The following RREB1 variants were observed in gnomAD, a reference collection of about 807,000 sequenced individuals.
RREB1 encodes the protein ras responsive element binding protein 1.
RREB1 carries 27 observed loss-of-function variants against 117.8 expected under a neutral mutation model. The observed-to-expected ratio is 0.23, with a 90% CI of 0.17 to 0.32. The LOEUF (loss-of-function observed/expected upper bound fraction) is 0.32. RREB1 is among the 10% of genes least tolerant of loss of function. The pLI, the probability that RREB1 is intolerant of heterozygous loss-of-function variation, is 1.00. For missense variants in RREB1, 2,577 were observed against 2,378.2 expected, an observed-to-expected ratio of 1.08 and a Z score of -1.74; for synonymous variants, 1,298 against 1,026.7, an observed-to-expected ratio of 1.26 and a Z score of -5.05.
chr6:7,247,213 C>G lies in RREB1; in HGVS notation c.4763C>G (p.Ser1588Cys). ...CAGGACCTGACCCGGCACATGCGCT[C>G]CCACACAGGTAACCAGGGCAGGCCA... ...SLQDLTRHMR[S>C]HTGERPYKCQ... The change falls in exon 12 of 13, where the codon TCC (serine) becomes TGC (cysteine). Residue 1588 changes from serine to cysteine, a missense_variant. Ser to Cys is a moderately radical substitution (Grantham distance 112, BLOSUM62 -1). Transcript: ENST00000379938. 1.9e-6 allele frequency: 3 copies of G among 1,612,556 alleles called. No individual in the cohort carries two copies. Among genetic ancestry groups the G allele is most frequent in the Non-Finnish European group, 1.7e-6 (2 of 1,179,376 alleles).
intron 1 of RREB1, among the ~76,000 whole-genome samples, chr6:7,130,929 CTTTTTT>C (rs61305060): frequency 2.2e-5 from 1 of 45,718 alleles, no homozygotes; most frequent in African/African-American, 1.1e-4. Context: ...ATAGTCATGT[CTTTTTT>C]TTTTTTTTTT....
chr6:7,185,445 C>T (rs776004308), intron 4 of RREB1, among the ~76,000 whole-genome samples: 5 of 152,240 alleles, frequency 3.3e-5, no homozygotes, highest in Non-Finnish European at 5.9e-5. Flanking sequence ...TGGCGCACAC[C>T]TGTAGTCCCA....
Position 7,247,125 on chromosome 6 carries a change from G to A in RREB1, c.4675G>A (p.Ala1559Thr). The A allele has an allele frequency of 6.2e-7, 1 of 1,613,934 alleles. No homozygotes were observed. Among genetic ancestry groups the A allele is most frequent in the Middle Eastern group, 1.6e-4 (1 of 6,062 alleles). ...KPKTDSPKSV[A>T]SKADKRKKVC... ...AAAGACAGACTCCCCCAAAAGCGTG[G>A]CCAGCAAGGCAGACAAGAGGAAGAA... Residue 1559 changes from alanine to threonine, a missense_variant, in exon 12 of 13, where the codon GCC (alanine) becomes ACC (threonine). Ala to Thr is a moderately conservative substitution (Grantham distance 58). Transcript: ENST00000379938.
chr6:7,216,245 C>G (rs952160073), intron 8 of RREB1: 1 of 152,156 alleles, frequency 6.6e-6, no homozygotes, highest in African/African-American at 2.4e-5. Context: ...AGTTCAGGGC[C>G]CAGGAGGGCA....
intron 4 of RREB1, among the ~76,000 whole-genome samples, chr6:7,186,926 C>A (rs541612548): frequency 3.3e-5 from 5 of 152,286 alleles, no homozygotes; most frequent in African/African-American, 1.2e-4. Flanking sequence ...CCACTGGGTG[C>A]ACAGCTAGGC....
At position 7,231,558 on chromosome 6, in the gene RREB1, G is replaced by T. The variant is rs778252753; in HGVS notation, c.3459G>T (p.Arg1153Ser). The change falls in exon 10 of 13, where the codon AGG (arginine) becomes AGT (serine). Residue 1153 changes from arginine to serine, a missense_variant. Physicochemically the swap from Arg to Ser is moderately radical, Grantham distance 110. Coordinates refer to ENST00000379938, the MANE Select transcript of RREB1 (RefSeq NM_001003699.4). ...GCCCAGCGGGCACGTCGAAGAAGAG[G>T]GGCCGGAAAAGGGGGATGAGGAGCC... Reference protein sequence around the residue: ...EQGPAGTSKKRGRKRGMRSRP... With the variant: ...EQGPAGTSKKSGRKRGMRSRP... 3.7e-6 allele frequency: 6 copies of T among 1,610,638 alleles called. No individual in the cohort carries two copies. Among genetic ancestry groups the T allele is most frequent in the Non-Finnish European group, 4.2e-6 (5 of 1,178,814 alleles).
intron 1 of RREB1, among the ~76,000 whole-genome samples, chr6:7,118,840 G>A (rs1368312559): frequency 3.4e-5 from 3 of 89,214 alleles, no homozygotes; most frequent in African/African-American, 1.3e-4. Flanking sequence ...TTAGAGACAG[G>A]GTTTCACCAT....
intron 6 of RREB1, among the ~76,000 whole-genome samples, chr6:7,200,075 C>T (rs554668003): frequency 1.3e-5 from 2 of 152,092 alleles, no homozygotes; most frequent in Admixed American, 6.5e-5. Context: ...TCTTGTGTAG[C>T]CTGTTTTTTA....
intron 7 of RREB1, among the ~76,000 whole-genome samples, chr6:7,211,353 T>C (rs976170846): frequency 1.4e-5 from 2 of 146,870 alleles, no homozygotes; most frequent in Admixed American, 6.7e-5. Flanking sequence ...GATGGATGGA[T>C]GGATGGATGG....
At chr6:7,209,231 C>T (rs1206635949) in intron 6 of RREB1, among the ~76,000 whole-genome samples, 1 of 152,104 alleles carries the variant, frequency 6.6e-6, no homozygotes, top group Non-Finnish European at 1.5e-5. Flanking sequence ...ATTCTCATAT[C>T]AACTGTAGAA....
intron 6 of RREB1, among the ~76,000 whole-genome samples, chr6:7,194,075 A>G (rs888590056): frequency 5.3e-5 from 8 of 152,172 alleles, no homozygotes; most frequent in African/African-American, 1.9e-4. Flanking sequence ...TATAGTGAGC[A>G]TGGGATAGTT....
intron 1 of RREB1, among the ~76,000 whole-genome samples, chr6:7,150,572 T>C (rs886857448): frequency 5.3e-5 from 8 of 152,234 alleles, no homozygotes; most frequent in South Asian, 2.1e-4. Context: ...GGTCATACTG[T>C]CAGGCAAGGG....
Position 7,229,322 on chromosome 6 carries a change from A to G in RREB1, c.1223A>G (p.Asn408Ser), listed in dbSNP as rs113454423. Residue 408 changes from asparagine (N) to serine (S), a missense_variant, in exon 10 of 13, where the codon AAC becomes AGC. Transcript: ENST00000379938. This position sits in a 1 kb window ranked among gnomAD's most constrained non-coding sequence, Gnocchi z 4.5. ...CQLPQDPGCT[N>S]LLSLSPFEAA... ...CTACCTCAGGACCCCGGCTGCACCA[A>G]CCTGCTGAGCCTGTCACCTTTCGAA... is the stretch of plus-strand genomic sequence containing the variant. 3.2e-5 allele frequency: 52 copies of G among 1,613,980 alleles called. No individual in the cohort carries two copies. In the African/African-American group the frequency reaches 5.5e-4, roughly 17 times the overall value.
At chr6:7,164,815 G>A (rs1561754874) in intron 1 of RREB1, among the ~76,000 whole-genome samples, 2 of 152,218 alleles carry the variant, frequency 1.3e-5, no homozygotes. Context: ...CGCTCCAAAG[G>A]CGAGGGGTCC....
At chr6:7,168,479 T>C (rs1328179126) in intron 1 of RREB1, among the ~76,000 whole-genome samples, 2 of 152,134 alleles carry the variant, frequency 1.3e-5, no homozygotes, top group East Asian at 3.9e-4. Context: ...TGTTTGCTTT[T>C]TAATTAACTA....
intron 6 of RREB1, among the ~76,000 whole-genome samples, chr6:7,200,280 G>GTGTGTGTT (rs1424204377): frequency 1.1e-5 from 1 of 93,838 alleles, no homozygotes; most frequent in African/African-American, 6.9e-5. Flanking sequence ...GTGTGTGTGT[G>GTGTGTGTT]TATTTTTTTT....
chr6:7,234,518 C>T (rs1768197558), intron 10 of RREB1, among the ~76,000 whole-genome samples: 1 of 152,166 alleles, frequency 6.6e-6, no homozygotes. Flanking sequence ...GCCAAAATGT[C>T]AGTGTTGGTT....
chr6:7,232,763 CT>C lies in RREB1; in HGVS notation c.3808+874del, dbSNP rs59522749. 3.2e-3 allele frequency among the ~76,000 whole-genome samples: 438 copies of C among 136,942 alleles called. 5 individuals are homozygous for C. The highest frequency in any genetic ancestry group is 4.5e-3 in the African/African-American group (166 of 37,158). 89.8% of individuals were successfully genotyped at this position (136,942 alleles called of 152,430 possible). Reference sequence around the variant, plus strand: ...AAAAGTATCTTCCTTTTTTCTTTTTCTTTTTTTTTTTTTTTTTTAAATAAAA... The same window carrying C: ...AAAAGTATCTTCCTTTTTTCTTTTTCTTTTTTTTTTTTTTTTTAAATAAAA... On this transcript the variant is annotated intron_variant, in intron 10 of 12. Coordinates refer to ENST00000379938, the MANE Select transcript of RREB1 (RefSeq NM_001003699.4).
chr6:7,176,408 T>C (rs1206057388), intron 1 of RREB1, among the ~76,000 whole-genome samples: 2 of 152,154 alleles, frequency 1.3e-5, no homozygotes, highest in Non-Finnish European at 2.9e-5. Flanking sequence ...CTTGACGTTA[T>C]TGGAATGTGC....
Sources: gnomAD v4.1 joint callset for allele counts (sites outside exome capture counted in the v4.1 genomes callset) on GRCh38, gnomAD v4.1.1 for gene constraint, Gnocchi (gnomAD v3.1) non-coding constraint, MANE v1.5 for transcripts, NCBI Gene and HGNC (gene_info 2026-07-23, HGNC 2026-07-21) for gene names.